The following DCC variants were observed in gnomAD, a reference collection of about 807,000 sequenced individuals.
DCC encodes the protein DCC netrin 1 receptor.
A neutral mutation model predicts 172.5 loss-of-function variants in DCC; 58 were observed. The observed-to-expected ratio is 0.34, with a 90% confidence interval of 0.27 to 0.42. The LOEUF is 0.42. DCC is among the 10% of genes least tolerant of loss of function. The probability of loss-of-function intolerance (pLI) is 1.00; values close to 1 mark genes in which losing one functional copy is unlikely to be tolerated. For synonymous variants in DCC, 709 were observed against 644.5 expected, an observed-to-expected ratio of 1.10 and a Z score of -1.52; for missense variants, 1,740 against 1,791.0, an observed-to-expected ratio of 0.97 and a Z score of 0.51.
intron 27 of DCC, among the ~76,000 whole-genome samples, chr18:53,521,462 C>T (rs117864839): frequency 1.4e-3 from 208 of 152,148 alleles, no homozygotes; most frequent in Non-Finnish European, 2.6e-3. Context: ...TCGTGATAAC[C>T]GTAGGCTATG....
chr18:52,820,492 G>GT (rs34971545), intron 2 of DCC, among the ~76,000 whole-genome samples: 265 of 151,752 alleles, frequency 1.7e-3, no homozygotes, highest in Non-Finnish European at 3.1e-3. Flanking sequence ...ATACATTCAT[G>GT]TTTTTTTTCT....
chr18:52,906,638 ATTAT>A (rs1350893143), intron 3 of DCC, among the ~76,000 whole-genome samples: 1 of 151,708 alleles, frequency 6.6e-6, no homozygotes, highest in Admixed American at 6.6e-5. Flanking sequence ...TTTCTCACAT[ATTAT>A]TTCATTTTCC....
intron 14 of DCC, among the ~76,000 whole-genome samples, chr18:53,336,203 G>A (rs2057589560): frequency 6.6e-6 from 1 of 152,114 alleles, no homozygotes; most frequent in Non-Finnish European, 1.5e-5. Flanking sequence ...AATGTTTCAT[G>A]TACTTCTGAG....
At chr18:52,830,290 T>C (rs2038589643) in intron 2 of DCC, among the ~76,000 whole-genome samples, 1 of 149,054 alleles carries the variant, frequency 6.7e-6, no homozygotes, top group South Asian at 2.1e-4. Context: ...CTTTTTGCAA[T>C]TTAGTTTTTT....
chr18:52,825,493 T>C (rs1035274150), intron 2 of DCC, among the ~76,000 whole-genome samples: 2 of 152,182 alleles, frequency 1.3e-5, no homozygotes, highest in Non-Finnish European at 2.9e-5. Flanking sequence ...TTTTTTGTTA[T>C]GGTATTGATT....
chr18:52,510,974 C>T (rs566956177), intron 1 of DCC, among the ~76,000 whole-genome samples: 2 of 152,240 alleles, frequency 1.3e-5, no homozygotes, highest in East Asian at 1.9e-4. Context: ...ACTTTTCTCA[C>T]ATAGCTCTAG....
chr18:52,752,894 C>A (rs962182922), intron 2 of DCC, among the ~76,000 whole-genome samples: 1 of 152,020 alleles, frequency 6.6e-6, no homozygotes, highest in Non-Finnish European at 1.5e-5. Context: ...AGCATAATAT[C>A]CTGTAGGTTC....
At chr18:52,526,357 A>G (rs543609965) in intron 1 of DCC, among the ~76,000 whole-genome samples, 2 of 152,318 alleles carry the variant, frequency 1.3e-5, no homozygotes, top group East Asian at 3.9e-4. Context: ...CAGTGTTCCC[A>G]ACAAAATCAG....
At chr18:52,969,341 T>A (rs1329609065) in intron 5 of DCC, among the ~76,000 whole-genome samples, 1 of 152,096 alleles carries the variant, frequency 6.6e-6, no homozygotes, top group Non-Finnish European at 1.5e-5. Context: ...TGCCTCTCCC[T>A]TGAATTCCTT....
At chr18:53,381,437 A>G (rs1345701129) in intron 15 of DCC, among the ~76,000 whole-genome samples, 1 of 152,056 alleles carries the variant, frequency 6.6e-6, no homozygotes, top group Non-Finnish European at 1.5e-5. Context: ...TTAGGAAGTC[A>G]AAGGCTTCCT....
intron 1 of DCC, among the ~76,000 whole-genome samples, chr18:52,535,033 T>C (rs2032251005): frequency 6.6e-6 from 1 of 152,154 alleles, no homozygotes; most frequent in Non-Finnish European, 1.5e-5. Flanking sequence ...ATGAGTAATT[T>C]ATCTCCAGCA....
chr18:52,884,499 A>G (rs540820584), intron 2 of DCC, among the ~76,000 whole-genome samples: 1 of 152,104 alleles, frequency 6.6e-6, no homozygotes, highest in East Asian at 1.9e-4. Context: ...GCATTCTTCA[A>G]TATATCAATT....
rs1174579002 is a variant in DCC at position 53,166,048 on chromosome 18, G to A, written c.1418+8536G>A. On this transcript the variant is annotated intron_variant, in intron 8 of 28. Coordinates refer to ENST00000442544, the MANE Select transcript of DCC (RefSeq NM_005215.4). ...ATTGCAGAAGTCCAAACAAAAGATG[G>A]TAGCTTGGTCTAAGGGTATGTCAGT... is the stretch of plus-strand genomic sequence containing the variant. 4.6e-5 allele frequency among the ~76,000 whole-genome samples: 7 copies of A among 152,252 alleles called. No homozygotes were observed. The East Asian group carries it at 1.2e-3, about 25-fold the overall frequency.
intron 15 of DCC, among the ~76,000 whole-genome samples, chr18:53,341,009 A>G (rs180943226): frequency 3.2e-4 from 48 of 152,338 alleles, no homozygotes; most frequent in Non-Finnish European, 4.9e-4. Flanking sequence ...AAACACTAAT[A>G]AGAGAAACAC....
chr18:53,422,809 G>T (rs538921303), intron 21 of DCC, among the ~76,000 whole-genome samples: 2 of 152,120 alleles, frequency 1.3e-5, no homozygotes. Context: ...CTTCTGATGG[G>T]AGCTGTTTAA....
At chr18:53,252,261 C>T (rs942194611) in intron 12 of DCC, among the ~76,000 whole-genome samples, 1 of 151,648 alleles carries the variant, frequency 6.6e-6, no homozygotes, top group Non-Finnish European at 1.5e-5. Flanking sequence ...TTACATACTG[C>T]ATAGGATTTT....
chr18:52,699,066 C>T (rs72914256), intron 1 of DCC, among the ~76,000 whole-genome samples: 1,986 of 152,214 alleles, frequency 0.013, 16 homozygotes, highest in Non-Finnish European at 0.018. Flanking sequence ...ACTGAATGAA[C>T]ATGTGTGCTC....
At chr18:53,412,745 A>G (rs1267663631) in intron 20 of DCC, among the ~76,000 whole-genome samples, 1 of 152,148 alleles carries the variant, frequency 6.6e-6, no homozygotes, top group African/African-American at 2.4e-5. Flanking sequence ...CAAGGATCGC[A>G]GCATTTTATT....
chr18:53,505,682 A>G (rs1260863203), intron 27 of DCC, among the ~76,000 whole-genome samples: 1 of 152,218 alleles, frequency 6.6e-6, no homozygotes, highest in African/African-American at 2.4e-5. Flanking sequence ...AAAGTGAAAA[A>G]TAATAAATAA....
Sources: allele counts gnomAD v4.1 joint callset (sites outside exome capture counted in the v4.1 genomes callset), GRCh38; gene constraint gnomAD v4.1.1; transcripts MANE v1.5; gene names NCBI Gene and HGNC (gene_info 2026-07-23, HGNC 2026-07-21).